The following COL13A1 variants were observed in gnomAD, a reference collection of about 807,000 sequenced individuals.
COL13A1 encodes collagen alpha-1(XIII) chain.
COL13A1 carries 89 observed loss-of-function variants against 130.9 expected under a neutral mutation model. The ratio of observed to expected loss-of-function variants is 0.68; its 90% CI spans 0.57 to 0.81. COL13A1 has a LOEUF of 0.81. Ranked by LOEUF, COL13A1 falls within the 30% of genes least tolerant of loss-of-function variation. The probability of loss-of-function intolerance (pLI) is 0.00; values close to 1 mark genes in which losing one functional copy is unlikely to be tolerated. For synonymous variants in COL13A1, 402 were observed against 341.6 expected, an observed-to-expected ratio of 1.18 and a Z score of -1.95; for missense variants, 879 against 934.6, an observed-to-expected ratio of 0.94 and a Z score of 0.78.
At chr10:69,916,377 G>A (rs981191052) in intron 17 of COL13A1, among the ~76,000 whole-genome samples, 29 of 152,144 alleles carry the variant, frequency 1.9e-4, no homozygotes, top group South Asian at 2.1e-4. Context: ...CACCATCCCG[G>A]GCCCCAGCTG....
At chr10:69,811,605 C>T (rs925833826) in intron 1 of COL13A1, among the ~76,000 whole-genome samples, 1 of 152,136 alleles carries the variant, frequency 6.6e-6, no homozygotes, top group African/African-American at 2.4e-5. Context: ...CAGCCTCACC[C>T]GACTCCATAG....
At chr10:69,954,229 CA>C (rs1456703598) in intron 39 of COL13A1, among the ~76,000 whole-genome samples, 3 of 152,136 alleles carry the variant, frequency 2.0e-5, no homozygotes, top group African/African-American at 7.3e-5. Context: ...CACCCTCTTG[CA>C]TGCAAAGTTT....
intron 2 of COL13A1, among the ~76,000 whole-genome samples, chr10:69,867,235 G>A (rs1361153500): frequency 6.6e-6 from 1 of 152,202 alleles, no homozygotes. Context: ...AGAGGCTGTG[G>A]GTGGCAGACC....
At chr10:69,881,201 C>A (rs770916544) in intron 7 of COL13A1, among the ~76,000 whole-genome samples, 1 of 152,164 alleles carries the variant, frequency 6.6e-6, no homozygotes, top group African/African-American at 2.4e-5. Context: ...CCCTGAACCA[C>A]GGGGCTTTAA....
intron 39 of COL13A1, 56 bp downstream of exon 39, chr10:69,953,024 G>A (rs187947390): frequency 6.7e-6 from 9 of 1,336,556 alleles, no homozygotes; most frequent in Non-Finnish European, 9.0e-6. Flanking sequence ...AGGTTTGTAA[G>A]TTGGAAACAA....
At chr10:69,844,399 C>T (rs1445836947) in intron 2 of COL13A1, among the ~76,000 whole-genome samples, 1 of 152,196 alleles carries the variant, frequency 6.6e-6, no homozygotes, top group Admixed American at 6.5e-5. Context: ...CACACTTCAC[C>T]AGCTTCTCAC....
chr10:69,937,726 T>G lies in COL13A1; in HGVS notation c.1878+11T>G, dbSNP rs1418722463. On this transcript the variant is annotated intron_variant, in intron 34 of 40. Transcript: ENST00000645393. ...CCCCTGGGACTACCCGTAAGTACCT[T>G]GGACCCAGCAAGACTGGTGGGTTTG... 7 of 1,356,014 alleles carry G rather than the reference T, an allele frequency of 5.2e-6. No homozygotes were observed. The highest frequency in any genetic ancestry group is 7.4e-6 in the Non-Finnish European group (7 of 945,120). 84.0% of individuals were successfully genotyped at this position (1,356,014 alleles called of 1,614,324 possible).
At position 69,905,829 on chromosome 10, in the gene COL13A1, T is replaced by G. The variant is rs1338871569; in HGVS notation, c.921+7T>G. On this transcript the variant is annotated splice_region_variant and intron_variant, in intron 17 of 40. Transcript: ENST00000645393. ...GGGCTACCACGGCCGGAAGGTAAGATGGAGGGGGAGGACCCAAGTGGGGCA... is the reference window on the plus strand; with the variant it reads ...GGGCTACCACGGCCGGAAGGTAAGAGGGAGGGGGAGGACCCAAGTGGGGCA... The G allele has an allele frequency of 1.9e-6, 3 of 1,613,568 alleles. No individual in the cohort carries two copies. Among genetic ancestry groups the G allele is most frequent in the Non-Finnish European group, 1.7e-6 (2 of 1,179,742 alleles).
intron 1 of COL13A1, among the ~76,000 whole-genome samples, chr10:69,804,071 C>T (rs1478638921): frequency 2.0e-5 from 3 of 152,170 alleles, no homozygotes; most frequent in East Asian, 3.9e-4. Context: ...CTCATTCCCA[C>T]GCCCTGCCAG....
chr10:69,901,064 T>C (rs926205438), intron 14 of COL13A1, among the ~76,000 whole-genome samples: 1 of 152,136 alleles, frequency 6.6e-6, no homozygotes, highest in African/African-American at 2.4e-5. Flanking sequence ...CTGAATCAGA[T>C]TTGATGTGGT....
chr10:69,913,893 G>A (rs558028590), intron 17 of COL13A1, among the ~76,000 whole-genome samples: 2 of 152,154 alleles, frequency 1.3e-5, no homozygotes, highest in South Asian at 4.2e-4. Flanking sequence ...CCTGCCATGG[G>A]GATCAAGGAA....
chr10:69,922,877 C>T (rs978933033), intron 23 of COL13A1, 83 bp downstream of exon 23: 25 of 895,144 alleles, frequency 2.8e-5, no homozygotes, highest in Admixed American at 6.6e-5. Flanking sequence ...CTCTACGTCC[C>T]GGACATCCCG....
intron 17 of COL13A1, among the ~76,000 whole-genome samples, chr10:69,910,919 G>A (rs1034531769): frequency 4.6e-5 from 7 of 152,182 alleles, no homozygotes; most frequent in African/African-American, 1.7e-4. Context: ...TAAGCCTCAT[G>A]GTTTGCATGA....
At chr10:69,822,784 C>A (rs913482880) in intron 2 of COL13A1, among the ~76,000 whole-genome samples, 4 of 152,228 alleles carry the variant, frequency 2.6e-5, no homozygotes, top group African/African-American at 7.2e-5. Context: ...AGGGGAGGCA[C>A]CTTGCTTGCT....
At chr10:69,897,423 C>T (rs543662912) in intron 13 of COL13A1, 5 of 1,596,140 alleles carry the variant, frequency 3.1e-6, no homozygotes, top group East Asian at 2.2e-5. Context: ...GGGCTCTCCC[C>T]TCACGGTCCC....
At chr10:69,913,579 G>C (rs1025356772) in intron 17 of COL13A1, among the ~76,000 whole-genome samples, 17 of 152,250 alleles carry the variant, frequency 1.1e-4, no homozygotes, top group African/African-American at 4.1e-4. Context: ...TGTCCTCCTC[G>C]GGCAATAACC....
intron 39 of COL13A1, chr10:69,955,659 G>C (rs2070523582): frequency 6.6e-6 from 1 of 152,236 alleles, no homozygotes; most frequent in African/African-American, 2.4e-5. Flanking sequence ...AGGGGCACAG[G>C]GTCACCCTGA....
intron 2 of COL13A1, among the ~76,000 whole-genome samples, chr10:69,866,455 G>A (rs2058527628): frequency 6.6e-6 from 1 of 152,212 alleles, no homozygotes; most frequent in Non-Finnish European, 1.5e-5. Context: ...CCCCCAGCCA[G>A]GAGGCACAGA....
At chr10:69,867,502 C>T (rs1384209302) in intron 2 of COL13A1, among the ~76,000 whole-genome samples, 1 of 152,220 alleles carries the variant, frequency 6.6e-6, no homozygotes, top group African/African-American at 2.4e-5. Flanking sequence ...CAGGCAGGTC[C>T]CGTAGAGCCC....
Sources: gnomAD v4.1 joint callset for allele counts (sites outside exome capture counted in the v4.1 genomes callset) on GRCh38, gnomAD v4.1.1 for gene constraint, MANE v1.5 for transcripts, NCBI Gene and HGNC (gene_info 2026-07-23, HGNC 2026-07-21) for gene names.